NEK7: variants seen among roughly 807,000 people sequenced by gnomAD.
The protein encoded by NEK7 is serine/threonine-protein kinase Nek7.
A neutral mutation model predicts 44.6 loss-of-function variants in NEK7; 18 were observed. The ratio of observed to expected loss-of-function variants is 0.40; its 90% CI spans 0.28 to 0.60. The LOEUF (loss-of-function observed/expected upper bound fraction) is 0.60. Ranked by LOEUF, NEK7 falls within the 20% of genes least tolerant of loss-of-function variation. The pLI, the probability that NEK7 is intolerant of heterozygous loss-of-function variation, is 0.38. For missense variants in NEK7, 256 were observed against 366.5 expected (o/e 0.70, Z 2.46); for synonymous variants, 130 against 121.1 (o/e 1.07, Z -0.48).
At chr1:198,208,501 T>TGA (rs1665662336) in intron 1 of NEK7, 1 of 152,168 alleles carries the variant, frequency 6.6e-6, no homozygotes, top group African/African-American at 2.4e-5. Context: ...CTCAGCCTCC[T>TGA]GAGGAGCTGG....
At position 198,161,525 on chromosome 1, in the gene NEK7, C is replaced by T. The variant is rs557116788; in HGVS notation, c.-29+4249C>T. On this transcript the variant is annotated intron_variant, in intron 1 of 9. Coordinates refer to ENST00000367385, the MANE Select transcript of NEK7 (RefSeq NM_133494.3). ...GATGTTTGGGTTGATTCGGAATTTT[C>T]CACAACAGCGTTTTATAATTATTTT... 2.0e-5 allele frequency among the ~76,000 whole-genome samples: 3 copies of T among 152,280 alleles called. No homozygotes were observed. In the South Asian group the frequency reaches 6.2e-4, roughly 32 times the overall value.
chr1:198,284,765 C>T (rs1327443551), intron 7 of NEK7, among the ~76,000 whole-genome samples: 1 of 151,974 alleles, frequency 6.6e-6, no homozygotes, highest in Non-Finnish European at 1.5e-5. Flanking sequence ...AAACAGAGTA[C>T]CAGAACAATT....
intron 2 of NEK7, among the ~76,000 whole-genome samples, chr1:198,238,776 C>T (rs1292708785): frequency 1.3e-5 from 2 of 152,198 alleles, no homozygotes; most frequent in Non-Finnish European, 2.9e-5. Flanking sequence ...TAGTTTTTAG[C>T]TTTCACAGAG....
chr1:198,296,077 G>A (rs1293391778), intron 8 of NEK7, among the ~76,000 whole-genome samples: 1 of 152,058 alleles, frequency 6.6e-6, no homozygotes, highest in Non-Finnish European at 1.5e-5. Flanking sequence ...GCTCTGTCTG[G>A]AGCACAGAAG....
intron 9 of NEK7, among the ~76,000 whole-genome samples, chr1:198,313,223 T>G (rs969027733): frequency 1.3e-5 from 2 of 152,204 alleles, no homozygotes; most frequent in Non-Finnish European, 1.5e-5. Flanking sequence ...TGATCTTTGT[T>G]GGTTTAAAGT....
intron 1 of NEK7, among the ~76,000 whole-genome samples, chr1:198,158,381 T>C (rs1663982892): frequency 6.6e-6 from 1 of 152,346 alleles, no homozygotes; most frequent in South Asian, 2.1e-4. Context: ...CCCATCATAA[T>C]GGGAACCACT....
intron 8 of NEK7, among the ~76,000 whole-genome samples, chr1:198,294,934 C>G (rs1654666515): frequency 6.6e-6 from 1 of 151,990 alleles, no homozygotes; most frequent in South Asian, 2.1e-4. Context: ...ATAGAAATAG[C>G]TAACAGTTTG....
intron 1 of NEK7, among the ~76,000 whole-genome samples, chr1:198,186,918 A>T (rs6672591): frequency 0.028 from 4,187 of 152,242 alleles, 194 homozygotes; most frequent in African/African-American, 0.095. Flanking sequence ...GGAAGTATGG[A>T]TTGTTCCATC....
chr1:198,182,784 A>T (rs1664806582), intron 1 of NEK7, among the ~76,000 whole-genome samples: 1 of 152,130 alleles, frequency 6.6e-6, no homozygotes, highest in Non-Finnish European at 1.5e-5. Flanking sequence ...AAGGCTTATT[A>T]TGGGAAAAAA....
chr1:198,210,783 C>T (rs1230879540), intron 1 of NEK7, among the ~76,000 whole-genome samples: 5 of 106,222 alleles, frequency 4.7e-5, no homozygotes, highest in Admixed American at 1.4e-4. Context: ...GACGGAGTCT[C>T]GCTCTGTCGC....
At chr1:198,314,019 G>C (rs1319604870) in intron 9 of NEK7, among the ~76,000 whole-genome samples, 3 of 151,656 alleles carry the variant, frequency 2.0e-5, no homozygotes, top group African/African-American at 7.3e-5. Flanking sequence ...ATAATATCCT[G>C]CAGAGTGTTT....
At chr1:198,180,842 A>G (rs1664743236) in intron 1 of NEK7, among the ~76,000 whole-genome samples, 1 of 152,130 alleles carries the variant, frequency 6.6e-6, no homozygotes, top group African/African-American at 2.4e-5. Flanking sequence ...TAATGGGCTT[A>G]TAGCTCACAC....
At chr1:198,252,954 A>G in intron 2 of NEK7, 86 bp from the exon 3 acceptor site, 2 of 1,117,546 alleles carry the variant, frequency 1.8e-6, no homozygotes. Context: ...CCTATGTGTC[A>G]CCTACATATA....
chr1:198,226,557 A>C (rs1431012629), intron 1 of NEK7, among the ~76,000 whole-genome samples: 1 of 151,754 alleles, frequency 6.6e-6, no homozygotes, highest in East Asian at 1.9e-4. Context: ...AAAAAAAAAA[A>C]CCCACTTACA....
chr1:198,251,121 G>T (rs550273411), intron 2 of NEK7, among the ~76,000 whole-genome samples: 2 of 151,850 alleles, frequency 1.3e-5, no homozygotes, highest in East Asian at 2.0e-4. Context: ...GGCCTTTTCT[G>T]CATCTATTGA....
At chr1:198,313,399 C>A (rs1467267057) in intron 9 of NEK7, among the ~76,000 whole-genome samples, 1 of 148,320 alleles carries the variant, frequency 6.7e-6, no homozygotes, top group Non-Finnish European at 1.5e-5. Context: ...ATCCAATTTG[C>A]CAGTCTGTGT....
intron 1 of NEK7, chr1:198,198,142 G>A: frequency 1.2e-6 from 1 of 861,764 alleles, no homozygotes; most frequent in Non-Finnish European, 1.9e-6. Flanking sequence ...CTATGGTGGG[G>A]GGATATGGAT....
intron 2 of NEK7, among the ~76,000 whole-genome samples, chr1:198,252,172 C>T (rs1354962532): frequency 1.3e-5 from 2 of 151,906 alleles, no homozygotes; most frequent in Admixed American, 1.3e-4. Context: ...AGTTTCCACA[C>T]AGTTGAGCGG....
intron 3 of NEK7, among the ~76,000 whole-genome samples, chr1:198,260,173 T>A (rs1245790132): frequency 6.6e-6 from 1 of 152,160 alleles, no homozygotes; most frequent in Non-Finnish European, 1.5e-5. Context: ...GTGTGTAGAG[T>A]TAAAACTATG....
Sources: allele counts gnomAD v4.1 joint callset (sites outside exome capture counted in the v4.1 genomes callset), GRCh38; gene constraint gnomAD v4.1.1; transcripts MANE v1.5; gene names NCBI Gene and HGNC (gene_info 2026-07-23, HGNC 2026-07-21).